CCDC141: variants seen among roughly 807,000 people sequenced by gnomAD.
CCDC141 encodes the protein coiled-coil domain containing 141, also known as coiled-coil domain-containing protein 141.
In CCDC141, 168 loss-of-function variants were observed where a neutral mutation model predicts 181.0. The observed-to-expected ratio is 0.93, with a 90% CI of 0.82 to 1.05. The LOEUF is 1.05. CCDC141 is among the 50% of genes least tolerant of loss of function. The probability of loss-of-function intolerance (pLI) is 0.00; values close to 1 mark genes in which losing one functional copy is unlikely to be tolerated. For synonymous variants in CCDC141, 666 were observed against 642.3 expected, an observed-to-expected ratio of 1.04 and a Z score of -0.56; for missense variants, 1,902 against 1,788.5, an observed-to-expected ratio of 1.06 and a Z score of -1.14.
intron 2 of CCDC141, among the ~76,000 whole-genome samples, chr2:179,032,187 C>T (rs942756138): frequency 6.6e-6 from 1 of 152,064 alleles, no homozygotes; most frequent in Non-Finnish European, 1.5e-5. Flanking sequence ...TGCACATCCT[C>T]TCATGGCACC....
At chr2:178,823,326 T>C in the CCDC141 span, among the ~76,000 whole-genome samples, 1 of 152,216 alleles carries the variant, frequency 6.6e-6, no homozygotes, top group Non-Finnish European at 1.5e-5. Context: ...TGTCAAATTA[T>C]ACTTTAAGGA....
intron 2 of CCDC141, among the ~76,000 whole-genome samples, chr2:179,040,281 T>TTTA (rs1339473458): frequency 1.3e-4 from 20 of 152,308 alleles, no homozygotes; most frequent in African/African-American, 4.8e-4. Context: ...AGTCCACACA[T>TTTA]AGCCTGAAGG....
intron 8 of CCDC141, among the ~76,000 whole-genome samples, chr2:178,897,346 T>C (rs962802362): frequency 2.0e-5 from 3 of 152,192 alleles, no homozygotes; most frequent in Admixed American, 2.0e-4. Flanking sequence ...AAAGTGATCA[T>C]GTCCTGTTCC....
chr2:178,874,214 C>T (rs1203149822), intron 12 of CCDC141: 1 of 152,170 alleles, frequency 6.6e-6, no homozygotes. Flanking sequence ...ACTTTACCAA[C>T]AATTTCATCT....
intron 16 of CCDC141, among the ~76,000 whole-genome samples, chr2:178,866,597 C>T (rs1227897419): frequency 6.6e-6 from 1 of 152,036 alleles, no homozygotes; most frequent in Non-Finnish European, 1.5e-5. Flanking sequence ...TAAAATGGGC[C>T]ATTATGATTT....
intron 4 of CCDC141, among the ~76,000 whole-genome samples, chr2:178,973,202 A>T (rs1299249046): frequency 1.3e-5 from 2 of 152,170 alleles, no homozygotes; most frequent in Admixed American, 6.5e-5. Context: ...AATTGCATCA[A>T]CTTCATTTTT....
At chr2:178,854,876 C>T (rs1685317736) in intron 19 of CCDC141, among the ~76,000 whole-genome samples, 1 of 152,158 alleles carries the variant, frequency 6.6e-6, no homozygotes, top group South Asian at 2.1e-4. Flanking sequence ...TTTATGTATA[C>T]TCTACCATTT....
intron 5 of CCDC141, among the ~76,000 whole-genome samples, chr2:178,958,906 T>G (rs1193051283): frequency 6.7e-6 from 1 of 148,262 alleles, no homozygotes; most frequent in South Asian, 2.1e-4. Flanking sequence ...AGAGAGAAGG[T>G]CTTTGTGTTA....
At chr2:178,977,475 T>C (rs1441973576) in intron 3 of CCDC141, among the ~76,000 whole-genome samples, 1 of 152,140 alleles carries the variant, frequency 6.6e-6, no homozygotes, top group Non-Finnish European at 1.5e-5. Flanking sequence ...AGAAAGATGG[T>C]GTATGAAACT....
In CCDC141 at chr2:178,878,081, C is replaced by T. The variant is rs1202567831; in HGVS notation, c.1782G>A (p.Gln594=). Residue 594 remains glutamine, a synonymous_variant, in exon 12 of 24, where the codon CAG becomes CAA. Coordinates refer to ENST00000443758, the MANE Select transcript of CCDC141 (RefSeq NM_173648.4). ...AACAATGCTTGGCTTTAGCATCATCCTGCTCCTTCTGAGGGATTTCGGTTT... is the reference window on the plus strand; with the variant it reads ...AACAATGCTTGGCTTTAGCATCATCTTGCTCCTTCTGAGGGATTTCGGTTT... ...FYETEIPQKE[Q]DDAKAKHCSD... 1.9e-6 allele frequency: 3 copies of T among 1,612,736 alleles called. No individual in the cohort carries two copies. In the Admixed American group the frequency reaches 5.0e-5, roughly 27 times the overall value.
At chr2:178,839,830 G>T (rs768953198) in intron 22 of CCDC141, among the ~76,000 whole-genome samples, 8 of 152,000 alleles carry the variant, frequency 5.3e-5, no homozygotes, top group African/African-American at 1.9e-4. Flanking sequence ...TTTGGCTGTC[G>T]TGCCACAGCT....
chr2:179,002,264 C>A (rs1481143264), intron 2 of CCDC141: 2 of 245,010 alleles, frequency 8.2e-6, no homozygotes, highest in African/African-American at 2.3e-5. Context: ...TGGCCCATGA[C>A]CATGTCCACC....
intron 2 of CCDC141, among the ~76,000 whole-genome samples, chr2:179,021,391 A>G (rs1366616413): frequency 1.3e-5 from 2 of 152,178 alleles, no homozygotes; most frequent in African/African-American, 2.4e-5. Flanking sequence ...CCAAACTGGC[A>G]CACAAATAAC....
chr2:178,955,706 GGTGGCAGT>G (rs766842997), intron 5 of CCDC141, among the ~76,000 whole-genome samples: 4 of 152,002 alleles, frequency 2.6e-5, no homozygotes, highest in Admixed American at 6.6e-5. Context: ...AAGTCTAGAA[GGTGGCAGT>G]ATGCCAAATT....
intron 14 of CCDC141, among the ~76,000 whole-genome samples, chr2:178,869,870 T>A (rs1686032719): frequency 6.6e-6 from 1 of 152,172 alleles, no homozygotes; most frequent in African/African-American, 2.4e-5. Flanking sequence ...GCCTTGCCTT[T>A]CACCCAGCAT....
intron 21 of CCDC141, among the ~76,000 whole-genome samples, chr2:178,847,290 GA>G (rs779896536): frequency 9.9e-4 from 151 of 152,314 alleles, no homozygotes; most frequent in Non-Finnish European, 1.7e-3. Context: ...AGCATTTTGA[GA>G]GGCCAAGGCG....
At chr2:179,005,148 T>C (rs942862759) in intron 2 of CCDC141, among the ~76,000 whole-genome samples, 3 of 152,200 alleles carry the variant, frequency 2.0e-5, no homozygotes. Flanking sequence ...AAACCTAATA[T>C]GAACAAATTT....
At chr2:178,902,171 C>T (rs1244483626) in intron 8 of CCDC141, among the ~76,000 whole-genome samples, 1 of 152,088 alleles carries the variant, frequency 6.6e-6, no homozygotes, top group East Asian at 1.9e-4. Context: ...ATGAAAATGG[C>T]CATAGTGCCC....
intron 5 of CCDC141, among the ~76,000 whole-genome samples, chr2:178,950,956 C>T (rs6734125): frequency 0.024 from 3,582 of 152,236 alleles, 107 homozygotes; most frequent in East Asian, 0.13. Flanking sequence ...GACTTCCCTT[C>T]TTAACATTGC....
Sources: allele counts gnomAD v4.1 joint callset (sites outside exome capture counted in the v4.1 genomes callset), GRCh38; gene constraint gnomAD v4.1.1; transcripts MANE v1.5; gene names NCBI Gene and HGNC (gene_info 2026-07-23, HGNC 2026-07-21).